ATP2C1: variants seen among roughly 807,000 people sequenced by gnomAD.
ATP2C1 encodes the protein calcium-transporting ATPase type 2C member 1.
A neutral mutation model predicts 120.5 loss-of-function variants in ATP2C1; 31 were observed. The observed-to-expected ratio is 0.26, with a 90% CI of 0.19 to 0.35. ATP2C1 has a LOEUF of 0.35. ATP2C1 is among the 10% of genes least tolerant of loss of function. The pLI, the probability that ATP2C1 is intolerant of heterozygous loss-of-function variation, is 1.00. For missense variants in ATP2C1, 731 were observed against 1,107.5 expected (o/e 0.66, Z 4.83); for synonymous variants, 351 against 358.7 (o/e 0.98, Z 0.24).
chr3:130,873,900 A>T (rs2068514555), intron 1 of ATP2C1, among the ~76,000 whole-genome samples: 1 of 152,134 alleles, frequency 6.6e-6, no homozygotes, highest in Non-Finnish European at 1.5e-5. Flanking sequence ...TCACAAGGTC[A>T]GGAGTTCTAG....
At chr3:130,920,462 G>C (rs187433132) in intron 2 of ATP2C1, among the ~76,000 whole-genome samples, 22 of 152,174 alleles carry the variant, frequency 1.4e-4, no homozygotes, top group African/African-American at 5.3e-4. Context: ...TGGCATCTTT[G>C]TTGAAGATCA....
At chr3:130,904,205 T>C (rs952063769) in intron 2 of ATP2C1, among the ~76,000 whole-genome samples, 4 of 152,054 alleles carry the variant, frequency 2.6e-5, no homozygotes, top group African/African-American at 7.2e-5. Context: ...TAACATCTTA[T>C]ATAACCATAG....
At chr3:130,897,211 G>A (rs2069706977) in intron 2 of ATP2C1, among the ~76,000 whole-genome samples, 1 of 152,148 alleles carries the variant, frequency 6.6e-6, no homozygotes, top group Non-Finnish European at 1.5e-5. Context: ...AGTTAGGTAA[G>A]GAATTTTCTA....
chr3:130,951,171 C>T (rs2060354543), intron 8 of ATP2C1, among the ~76,000 whole-genome samples: 1 of 152,068 alleles, frequency 6.6e-6, no homozygotes, highest in Admixed American at 6.6e-5. Flanking sequence ...TAATTTTTTA[C>T]ATATCTTTGC....
In ATP2C1 at chr3:131,002,074, G is replaced by A. The variant is rs145351517; in HGVS notation, c.*724G>A. On this transcript the variant is annotated 3_prime_UTR_variant, in exon 28 of 28. Coordinates refer to ENST00000510168, the MANE Select transcript of ATP2C1 (RefSeq NM_001378687.1). ...CAGAATTCATGCAGGGCTATCAAGT[G>A]GTGTTCTAGGGTAACAGTGTCCATA... 5 of 985,490 alleles carry A rather than the reference G, an allele frequency of 5.1e-6. No individual in the cohort carries two copies. The African/African-American group carries it at 8.7e-5, about 17-fold the overall frequency. The allele number at this position is 985,490 out of a possible 1,614,324, so 61.0% of individuals were successfully genotyped here.
intron 1 of ATP2C1, among the ~76,000 whole-genome samples, chr3:130,879,647 C>G (rs1423916807): frequency 6.6e-6 from 1 of 152,138 alleles, no homozygotes; most frequent in Non-Finnish European, 1.5e-5. Context: ...ATCTGTGCAT[C>G]TGGTGTAACC....
chr3:130,955,269 A>G (rs1248911808), intron 10 of ATP2C1, among the ~76,000 whole-genome samples, 189 bp downstream of exon 10: 1 of 152,186 alleles, frequency 6.6e-6, no homozygotes, highest in African/African-American at 2.4e-5. Flanking sequence ...TGTTGTTAGT[A>G]TTCTAAAGGA....
In ATP2C1 at chr3:130,969,302, A is replaced by G; in HGVS notation, c.1319A>G (p.Asp440Gly). The G allele has an allele frequency of 6.2e-7, 1 of 1,612,232 alleles. No individual in the cohort carries two copies. The highest frequency in any genetic ancestry group is 8.5e-7 in the Non-Finnish European group (1 of 1,178,312). The part of the protein sequence containing the change: ...LIALAMKMGL[D>G]GLQQDYIRKA... ...CTTTGTGCCATATAGATGGGTCTTGATGGACTTCAACAAGACTACATCAGA... is the reference window on the plus strand; with the variant it reads ...CTTTGTGCCATATAGATGGGTCTTGGTGGACTTCAACAAGACTACATCAGA... The change falls in exon 17 of 28, where the codon GAT (aspartate) becomes GGT (glycine). Residue 440 changes from aspartate (D) to glycine (G), a missense_variant. Physicochemically the swap from Asp to Gly is moderately conservative, Grantham distance 94 (BLOSUM62 -1). Transcript: ENST00000510168.
intron 10 of ATP2C1, among the ~76,000 whole-genome samples, 171 bp downstream of exon 10, chr3:130,955,251 T>A (rs1279193887): frequency 6.6e-6 from 1 of 152,222 alleles, no homozygotes; most frequent in East Asian, 1.9e-4. Context: ...TGAAAAGGTC[T>A]AAATTGATGT....
chr3:130,999,419 A>C, intron 26 of ATP2C1, 99 bp from the exon 27 acceptor site: 1 of 1,197,652 alleles, frequency 8.3e-7, no homozygotes, highest in Non-Finnish European at 1.2e-6. Flanking sequence ...CAATTCAGTG[A>C]TAAAGTGACA....
At chr3:130,965,384 G>T (rs1384800680) in intron 14 of ATP2C1, among the ~76,000 whole-genome samples, 1 of 151,962 alleles carries the variant, frequency 6.6e-6, no homozygotes, top group East Asian at 1.9e-4. Context: ...CTGCCATTCT[G>T]ATAAAGCTTT....
At chr3:130,884,922 TTTTC>T (rs1236903073) in intron 1 of ATP2C1, among the ~76,000 whole-genome samples, 20 of 146,222 alleles carry the variant, frequency 1.4e-4, no homozygotes, top group East Asian at 9.9e-4. Context: ...CTTTTCTTTC[TTTTC>T]TTTCTTTTTT....
At chr3:131,010,362 G>A (rs2063274659) in intron 26 of ATP2C1, among the ~76,000 whole-genome samples, 1 of 151,180 alleles carries the variant, frequency 6.6e-6, no homozygotes, top group Admixed American at 6.6e-5. Flanking sequence ...GGCTGATATT[G>A]TTTTTGTATT....
chr3:130,873,593 G>C (rs1409656448), intron 1 of ATP2C1, among the ~76,000 whole-genome samples: 1 of 151,912 alleles, frequency 6.6e-6, no homozygotes, highest in Non-Finnish European at 1.5e-5. Flanking sequence ...ATTTAAATGA[G>C]GAAAAAATAT....
At position 130,967,389 on chromosome 3, in the gene ATP2C1, A is replaced by T; in HGVS notation, c.1278A>T (p.Thr426=). 2.5e-6 allele frequency: 4 copies of T among 1,613,774 alleles called. No homozygotes were observed. The highest frequency in any genetic ancestry group is 3.4e-6 in the Non-Finnish European group (4 of 1,179,754). ...IRNNTLMGKP[T]EGALIALAMK... ...ACAATACTCTAATGGGGAAGCCAAC[A>T]GAAGGGGCCTTAATTGCTCTTGCAA... Residue 426 remains threonine (T), a synonymous_variant, in exon 16 of 28, where the codon ACA becomes ACT. Transcript: ENST00000510168.
At chr3:130,889,438 G>A (rs977253349), upstream of ATP2C1, among the ~76,000 whole-genome samples, 13 of 152,050 alleles carry the variant, frequency 8.5e-5, no homozygotes, top group African/African-American at 3.1e-4. Flanking sequence ...TCAAATGCAT[G>A]GAAACAAGCA....
chr3:130,887,388 G>T (rs2069009407), intron 1 of ATP2C1, among the ~76,000 whole-genome samples: 1 of 152,190 alleles, frequency 6.6e-6, no homozygotes, highest in Non-Finnish European at 1.5e-5. Context: ...GGTGAAGCCA[G>T]CCAGGTTGGT....
upstream of ATP2C1, among the ~76,000 whole-genome samples, chr3:130,893,616 C>A (rs1239398255): frequency 6.6e-6 from 1 of 152,234 alleles, no homozygotes; most frequent in East Asian, 1.9e-4. Flanking sequence ...TGACTGCCAC[C>A]CCGACGGGAG....
chr3:131,016,380 A>C (rs201674974), exon 27 of ATP2C1: 4 of 1,601,770 alleles, frequency 2.5e-6, no homozygotes, highest in Non-Finnish European at 8.6e-7. Context: ...TTCTAAAAGC[A>C]CTGTAACAGC....
Sources: allele counts gnomAD v4.1 joint callset (sites outside exome capture counted in the v4.1 genomes callset), GRCh38; gene constraint gnomAD v4.1.1; transcripts MANE v1.5; gene names NCBI Gene and HGNC (gene_info 2026-07-23, HGNC 2026-07-21).